RASEF: variants seen among roughly 807,000 people sequenced by gnomAD.
The protein encoded by RASEF is ras and EF-hand domain-containing protein.
In RASEF, 68 loss-of-function variants were observed where a neutral mutation model predicts 90.1. The observed-to-expected ratio is 0.75, with a 90% CI of 0.62 to 0.92. The LOEUF (loss-of-function observed/expected upper bound fraction) is 0.92, where lower values mean the gene tolerates loss of function less well. Ranked by LOEUF, RASEF falls within the 40% of genes least tolerant of loss-of-function variation. The probability of loss-of-function intolerance (pLI) is 0.00; values close to 1 mark genes in which losing one functional copy is unlikely to be tolerated. For missense variants in RASEF, 949 were observed against 937.2 expected, an observed-to-expected ratio of 1.01 and a Z score of -0.16; for synonymous variants, 331 against 345.2, an observed-to-expected ratio of 0.96 and a Z score of 0.46.
chr9:83,054,504 C>G (rs1318312024), intron 1 of RASEF, among the ~76,000 whole-genome samples: 117 of 133,482 alleles, frequency 8.8e-4, no homozygotes, highest in African/African-American at 3.4e-3. Flanking sequence ...CCTCCCGTAG[C>G]TCAGAGTAAT....
Position 83,007,481 on chromosome 9 carries a change from G to A in RASEF, c.984C>T (p.Tyr328=). The A allele has an allele frequency of 6.2e-7, 1 of 1,613,054 alleles. No homozygotes were observed. The highest frequency in any genetic ancestry group is 1.7e-4 in the Middle Eastern group (1 of 6,058). ...TCTCAAGACTATTTCGATCTTCTGT[G>A]TATGCTCGGATTATTTCCAGATCCC... ...TERDLEIIRA[Y]TEDRNSLERQ... The change falls in exon 7 of 17, where the codon TAC becomes TAT. Residue 328 remains tyrosine (Y), a synonymous_variant. Transcript: ENST00000376447.
At chr9:83,071,231 C>A in the RASEF span, among the ~76,000 whole-genome samples, 2 of 152,288 alleles carry the variant, frequency 1.3e-5, no homozygotes, top group East Asian at 1.9e-4. Context: ...ATCATTTAAT[C>A]TTTTACCATT....
the RASEF span, among the ~76,000 whole-genome samples, chr9:83,094,227 A>C: frequency 1.4e-5 from 2 of 146,376 alleles, no homozygotes; most frequent in Non-Finnish European, 2.9e-5. Flanking sequence ...CCATATGTGG[A>C]TCTTGATCAC....
Position 82,982,681 on chromosome 9 carries a change from C to G in RASEF, c.2219G>C (p.Gly740Ala). The G allele has an allele frequency of 6.5e-7, 1 of 1,546,270 alleles. No individual in the cohort carries two copies. The highest frequency in any genetic ancestry group is 8.9e-7 in the Non-Finnish European group (1 of 1,118,254). The change falls in exon 17 of 17, where the codon GGC (glycine) becomes GCC (alanine). Residue 740 changes from glycine (G) to alanine (A), a missense_variant. Gly to Ala is a moderately conservative substitution (Grantham distance 60). Around this residue, in one of 3 missense-constraint regions of RASEF, gnomAD observed 288 missense variants for 328.4 expected, o/e 0.88. Coordinates refer to ENST00000376447, the MANE Select transcript of RASEF (RefSeq NM_152573.4). ...KSPQMKNCCNG is the reference protein window; with the variant it reads ...KSPQMKNCCNA ...CAGGCCAAGGATGTTTGGGATTTAGCCATTGCAACAATTCTTCATCTGTGG... is the reference window on the plus strand; with the variant it reads ...CAGGCCAAGGATGTTTGGGATTTAGGCATTGCAACAATTCTTCATCTGTGG...
chr9:83,188,715 C>G, the RASEF span, among the ~76,000 whole-genome samples: 3 of 152,166 alleles, frequency 2.0e-5, no homozygotes, highest in African/African-American at 7.2e-5. Context: ...CTACCGCAGC[C>G]CAGCTCACCC....
At chr9:83,163,535 A>G in the RASEF span, among the ~76,000 whole-genome samples, 1 of 152,238 alleles carries the variant, frequency 6.6e-6, no homozygotes, top group East Asian at 1.9e-4. Context: ...AAATTCTAAG[A>G]CAACCAAAGA....
At chr9:83,147,602 T>C in the RASEF span, among the ~76,000 whole-genome samples, 3 of 152,006 alleles carry the variant, frequency 2.0e-5, no homozygotes, top group Non-Finnish European at 4.4e-5. Flanking sequence ...TAGGGGTGGG[T>C]GCCTGCGACT....
Position 83,000,258 on chromosome 9 carries a change from A to G in RASEF, c.1634T>C (p.Val545Ala). ...CCCCACTGCAGCGTCCCCAGCAAGT[A>G]CAATCTTGTAAGCCTTCTGTGAGCT... is the stretch of plus-strand genomic sequence containing the variant. ...SFSSQKAYKIVLAGDAAVGKS... is the reference protein window; with the variant it reads ...SFSSQKAYKIALAGDAAVGKS... The change falls in exon 12 of 17, where the codon GTA becomes GCA. Residue 545 changes from valine (V) to alanine (A), a missense_variant. By Grantham distance (64) the Val-to-Ala change is moderately conservative. This residue lies in a region of RASEF where 288 missense variants were observed against 328.4 expected (regional missense o/e 0.88). Coordinates refer to ENST00000376447, the MANE Select transcript of RASEF (RefSeq NM_152573.4). 6.2e-7 allele frequency: 1 copy of G among 1,614,166 alleles called. No homozygotes were observed. Among genetic ancestry groups the G allele is most frequent in the South Asian group, 1.1e-5 (1 of 91,084 alleles).
At chr9:83,178,375 T>C in the RASEF span, among the ~76,000 whole-genome samples, 74 of 152,298 alleles carry the variant, frequency 4.9e-4, no homozygotes, top group Non-Finnish European at 8.8e-4. Context: ...TCCCTTCCCA[T>C]AGTTTCACTA....
Position 83,009,726 on chromosome 9 carries a change from C to T in RASEF, c.874G>A (p.Glu292Lys), listed in dbSNP as rs368165311. The change falls in exon 6 of 17, where the codon GAA (glutamate) becomes AAA (lysine). Residue 292 changes from glutamate (E) to lysine (K), a missense_variant. By Grantham distance (56) the Glu-to-Lys change is moderately conservative. This residue lies in a region of RASEF where 656 missense variants were observed against 592.2 expected (regional missense o/e 1.11). Coordinates refer to ENST00000376447, the MANE Select transcript of RASEF (RefSeq NM_152573.4). ...ENQKVKKDLLEAQTNIAFLQS... is the reference protein window; with the variant it reads ...ENQKVKKDLLKAQTNIAFLQS... Reference sequence around the variant, plus strand: ...AGAAAGGCTATGTTTGTCTGTGCTTCTAAAAGGTCTTTCTTAACTTTCTGG... The same window carrying T: ...AGAAAGGCTATGTTTGTCTGTGCTTTTAAAAGGTCTTTCTTAACTTTCTGG... The T allele has an allele frequency of 5.0e-5, 80 of 1,613,142 alleles. No individual in the cohort carries two copies. The highest frequency in any genetic ancestry group is 1.7e-4 in the Admixed American group (10 of 59,988).
the RASEF span, among the ~76,000 whole-genome samples, chr9:83,158,661 T>C: frequency 7.0e-6 from 1 of 143,766 alleles, no homozygotes; most frequent in African/African-American, 2.6e-5. Flanking sequence ...AATATATACA[T>C]ATATGTATAT....
the RASEF span, among the ~76,000 whole-genome samples, chr9:83,203,196 T>C: frequency 6.6e-6 from 1 of 152,214 alleles, no homozygotes; most frequent in Non-Finnish European, 1.5e-5. Flanking sequence ...TAAATAAATA[T>C]TGAGTACTTC....
the RASEF span, among the ~76,000 whole-genome samples, chr9:83,104,805 T>C: frequency 1.3e-5 from 2 of 152,222 alleles, no homozygotes; most frequent in Non-Finnish European, 2.9e-5. Context: ...ATTAGTTCTC[T>C]AAAAACATTT....
chr9:83,163,954 CACTATTTTAAAAAA>C, the RASEF span, among the ~76,000 whole-genome samples: 2 of 147,392 alleles, frequency 1.4e-5, no homozygotes, highest in African/African-American at 5.0e-5. Flanking sequence ...AAAAAGAAAA[CACTATTTTAAAAAA>C]ACAGAGAAAA....
At chr9:82,983,155 A>C (rs869078096) in intron 16 of RASEF, among the ~76,000 whole-genome samples, 20 of 122,920 alleles carry the variant, frequency 1.6e-4, no homozygotes, top group African/African-American at 5.2e-4. Context: ...ACACACACAC[A>C]CCCTTCTCCC....
At chr9:83,143,363 G>A in the RASEF span, among the ~76,000 whole-genome samples, 1 of 151,740 alleles carries the variant, frequency 6.6e-6, no homozygotes, top group Non-Finnish European at 1.5e-5. Context: ...AATCTATAAG[G>A]AACTTAAAGC....
the RASEF span, among the ~76,000 whole-genome samples, chr9:83,144,370 A>G: frequency 2.5e-4 from 15 of 60,990 alleles, no homozygotes; most frequent in South Asian, 6.3e-3. Flanking sequence ...AAAGAAAGAA[A>G]GAAAGAAAGA....
the RASEF span, among the ~76,000 whole-genome samples, chr9:83,172,677 TTC>T: frequency 6.6e-6 from 1 of 151,922 alleles, no homozygotes; most frequent in Non-Finnish European, 1.5e-5. Flanking sequence ...TTCCCCCATT[TTC>T]TGACTTTTTG....
the RASEF span, among the ~76,000 whole-genome samples, chr9:83,210,891 TA>T: frequency 3.9e-5 from 6 of 152,202 alleles, no homozygotes; most frequent in Admixed American, 3.9e-4. Flanking sequence ...TCACCCCAGG[TA>T]AAAAGTCATT....
Sources: gnomAD v4.1 joint callset for allele counts (sites outside exome capture counted in the v4.1 genomes callset) on GRCh38, gnomAD v4.1.1 for gene constraint, gnomAD v4.1.1 regional missense constraint, MANE v1.5 for transcripts, NCBI Gene and HGNC (gene_info 2026-07-23, HGNC 2026-07-21) for gene names.